The following CSMD1 variants were observed in gnomAD, a reference collection of about 807,000 sequenced individuals.
CSMD1 encodes CUB and sushi domain-containing protein 1.
CSMD1 carries 213 observed loss-of-function variants against 417.5 expected under a neutral mutation model. That is an observed-to-expected ratio of 0.51 (90% CI 0.46 to 0.57). CSMD1 has a LOEUF of 0.57. Among genes scored for constraint, CSMD1 ranks in the 20% least tolerant of loss-of-function variants. The pLI is 0.00. For synonymous variants in CSMD1, 2,862 were observed against 1,736.8 expected, an observed-to-expected ratio of 1.65 and a Z score of -16.11; for missense variants, 6,923 against 4,529.7, an observed-to-expected ratio of 1.53 and a Z score of -15.17.
rs1396540372 is a variant in CSMD1 at position 3,838,589 on chromosome 8, C to T, written c.819-84547G>A. On this transcript the variant is annotated intron_variant, in intron 5 of 69. Coordinates refer to ENST00000635120, the MANE Select transcript of CSMD1 (RefSeq NM_033225.6). ...ATAGTCTCTCTATATATCTATAGTCCCTCTCTATATAAATATTTATATATA... is the reference window on the plus strand; with the variant it reads ...ATAGTCTCTCTATATATCTATAGTCTCTCTCTATATAAATATTTATATATA... Among the ~76,000 whole-genome samples the T allele has an allele frequency of 4.7e-5, 6 of 128,960 alleles. No homozygotes were observed. In the Admixed American group the frequency reaches 4.8e-4, roughly 10 times the overall value. 84.6% of individuals were successfully genotyped at this position (128,960 alleles called of 152,430 possible).
intron 10 of CSMD1, among the ~76,000 whole-genome samples, chr8:3,494,564 A>G (rs112388253): frequency 0.011 from 1,043 of 95,268 alleles, 16 homozygotes; most frequent in African/African-American, 0.037. Flanking sequence ...TGATAGATAG[A>G]TAGATAGATA....
intron 3 of CSMD1, among the ~76,000 whole-genome samples, chr8:4,038,992 T>A (rs1797753911): frequency 6.6e-6 from 1 of 152,210 alleles, no homozygotes; most frequent in Non-Finnish European, 1.5e-5. Context: ...ACCCAGCTGT[T>A]TCAATGGTTA....
intron 1 of CSMD1, among the ~76,000 whole-genome samples, chr8:4,689,761 T>A (rs970708717): frequency 1.3e-5 from 2 of 152,212 alleles, no homozygotes; most frequent in Admixed American, 1.3e-4. Flanking sequence ...TGACCTCTTC[T>A]ATTAAAATGA....
In CSMD1 at chr8:3,776,794, G is replaced by C. The variant is rs1211458435; in HGVS notation, c.819-22752C>G. On this transcript the variant is annotated intron_variant, in intron 5 of 69. Coordinates refer to ENST00000635120, the MANE Select transcript of CSMD1 (RefSeq NM_033225.6). ...TGATAGATGAGCAGTGATAGATAGT[G>C]ACATATAGACGAGATATATATATAT... 3.0e-5 allele frequency among the ~76,000 whole-genome samples: 3 copies of C among 100,206 alleles called. No homozygotes were observed. In the East Asian group the frequency reaches 9.6e-4, roughly 32 times the overall value. 65.7% of individuals were successfully genotyped at this position (100,206 alleles called of 152,430 possible). A position where few individuals can be genotyped will look rare whatever the true frequency, so the allele number is the denominator to read the frequency against.
intron 50 of CSMD1, among the ~76,000 whole-genome samples, chr8:3,032,301 G>T (rs1171375496): frequency 6.6e-6 from 1 of 152,048 alleles, no homozygotes; most frequent in African/African-American, 2.4e-5. Context: ...TAATTTGGGA[G>T]GAGAAATCCC....
At chr8:3,953,278 G>C (rs558364174) in intron 5 of CSMD1, among the ~76,000 whole-genome samples, 2 of 152,074 alleles carry the variant, frequency 1.3e-5, no homozygotes, top group Non-Finnish European at 2.9e-5. Context: ...TGGATTAAGA[G>C]AATTCAACTC....
chr8:3,050,765 C>T (rs545693393), intron 50 of CSMD1, among the ~76,000 whole-genome samples: 10 of 152,066 alleles, frequency 6.6e-5, no homozygotes, highest in Non-Finnish European at 1.3e-4. Flanking sequence ...CAACCGCCTT[C>T]CATAATTGTT....
At chr8:4,239,310 C>G (rs1050203421) in intron 3 of CSMD1, among the ~76,000 whole-genome samples, 1 of 152,180 alleles carries the variant, frequency 6.6e-6, no homozygotes, top group Non-Finnish European at 1.5e-5. Flanking sequence ...TGGGCAACAC[C>G]AGTGCTAAGG....
intron 1 of CSMD1, among the ~76,000 whole-genome samples, chr8:4,821,251 C>A (rs1469574544): frequency 2.0e-5 from 3 of 152,278 alleles, no homozygotes; most frequent in East Asian, 1.9e-4. Context: ...ATTACGCAGA[C>A]TCCAGTTCAA....
intron 48 of CSMD1, 125 bp from the exon 49 acceptor site, chr8:3,087,410 T>A (rs1370764375): frequency 1.0e-6 from 1 of 974,034 alleles, no homozygotes; most frequent in Non-Finnish European, 1.6e-6. Flanking sequence ...TGAGCACCAG[T>A]ATGTAAGTTT....
intron 5 of CSMD1, among the ~76,000 whole-genome samples, chr8:3,853,756 T>C (rs1365364813): frequency 2.0e-5 from 3 of 151,730 alleles, no homozygotes; most frequent in South Asian, 2.1e-4. Context: ...CATTAGGAGA[T>C]ATACCTAATG....
chr8:3,765,597 A>C (rs1297075209), intron 5 of CSMD1, among the ~76,000 whole-genome samples: 1 of 152,164 alleles, frequency 6.6e-6, no homozygotes, highest in Non-Finnish European at 1.5e-5. Context: ...CTTTACTTTT[A>C]TTTTTGCTCC....
intron 5 of CSMD1, among the ~76,000 whole-genome samples, chr8:3,841,984 G>T: frequency 6.6e-6 from 1 of 152,098 alleles, no homozygotes; most frequent in East Asian, 1.9e-4. Flanking sequence ...TTTTTCCATC[G>T]TGTTGCAGCA....
chr8:4,098,234 A>T (rs1005053484), intron 3 of CSMD1, among the ~76,000 whole-genome samples: 2 of 152,228 alleles, frequency 1.3e-5, no homozygotes, highest in Non-Finnish European at 2.9e-5. Context: ...GAATCTAATT[A>T]TATTACAATA....
chr8:4,955,827 G>T (rs12549291), intron 1 of CSMD1, among the ~76,000 whole-genome samples: 24,814 of 152,210 alleles, frequency 0.16, 2,601 homozygotes, highest in Non-Finnish European at 0.24. Context: ...GGAATATTTA[G>T]GTCGTAGAAA....
rs57602523 is a variant in CSMD1, at chr8:3,313,575, C to T, written c.3632-5072G>A. Among the ~76,000 whole-genome samples the T allele has an allele frequency of 6.0e-4, 91 of 152,304 alleles. 2 individuals carry two copies. In the East Asian group the frequency reaches 0.015, roughly 25 times the overall value. ...AACCACAATAAGATACTATCTCACACGAGTTAGAATGGCAAGCAATCAATC... is the reference window on the plus strand; with the variant it reads ...AACCACAATAAGATACTATCTCACATGAGTTAGAATGGCAAGCAATCAATC... On this transcript the variant is annotated intron_variant, in intron 23 of 69. Transcript: ENST00000635120.
intron 10 of CSMD1, among the ~76,000 whole-genome samples, chr8:3,558,048 C>T (rs1563151510): frequency 6.7e-6 from 1 of 149,154 alleles, no homozygotes; most frequent in Non-Finnish European, 1.5e-5. Context: ...AACCCGTGTC[C>T]ACTCCTCTGA....
At chr8:3,071,160 C>T (rs1813299634) in intron 49 of CSMD1, among the ~76,000 whole-genome samples, 3 of 152,208 alleles carry the variant, frequency 2.0e-5, no homozygotes, top group Non-Finnish European at 4.4e-5. Flanking sequence ...TTGATCCAAA[C>T]ACCTCTTTCC....
intron 1 of CSMD1, among the ~76,000 whole-genome samples, chr8:4,656,497 A>C (rs975188044): frequency 1.3e-5 from 2 of 152,000 alleles, no homozygotes; most frequent in African/African-American, 4.8e-5. Flanking sequence ...ATTTCATAAA[A>C]AAATCCATCT....
Sources: allele counts gnomAD v4.1 joint callset (sites outside exome capture counted in the v4.1 genomes callset), GRCh38; gene constraint gnomAD v4.1.1; transcripts MANE v1.5; gene names NCBI Gene and HGNC (gene_info 2026-07-23, HGNC 2026-07-21).